Variants in ZNF609 observed in about 807,000 individuals in gnomAD.
ZNF609 encodes the protein zinc finger protein 609.
Under a neutral mutation model 109.5 loss-of-function variants are expected in ZNF609, and 11 were observed. That is an observed-to-expected ratio of 0.10 (90% confidence interval 0.06 to 0.17). The LOEUF (loss-of-function observed/expected upper bound fraction) is 0.17. Ranked by LOEUF, ZNF609 falls within the 10% of genes least tolerant of loss-of-function variation. The pLI is 1.00. For missense variants in ZNF609, 1,559 were observed against 1,772.4 expected, an observed-to-expected ratio of 0.88 and a Z score of 2.16; for synonymous variants, 646 against 662.0, an observed-to-expected ratio of 0.98 and a Z score of 0.37.
At chr15:64,507,096 C>T (rs985311050) in intron 2 of ZNF609, among the ~76,000 whole-genome samples, 19 of 152,254 alleles carry the variant, frequency 1.2e-4, no homozygotes. Flanking sequence ...GAATTTCAGA[C>T]TTCATATGAA....
At chr15:64,593,209 T>G in intron 2 of ZNF609, 1 of 1,521,582 alleles carries the variant, frequency 6.6e-7, no homozygotes, top group Non-Finnish European at 9.0e-7. Flanking sequence ...GTGTGAGTTG[T>G]GCAATTCACA....
At chr15:64,483,823 C>A (rs2140339145) in intron 1 of ZNF609, among the ~76,000 whole-genome samples, 1 of 152,336 alleles carries the variant, frequency 6.6e-6, no homozygotes, top group South Asian at 2.1e-4. Flanking sequence ...AAGCACACAT[C>A]ATCACACCTG....
At chr15:64,486,208 A>C (rs1408690475) in intron 1 of ZNF609, among the ~76,000 whole-genome samples, 1 of 152,142 alleles carries the variant, frequency 6.6e-6, no homozygotes, top group Non-Finnish European at 1.5e-5. Flanking sequence ...TATATCCTTG[A>C]CTTTTCCTAA....
intron 2 of ZNF609, among the ~76,000 whole-genome samples, chr15:64,564,266 C>T (rs1035169386): frequency 1.3e-5 from 2 of 151,938 alleles, no homozygotes; most frequent in Non-Finnish European, 2.9e-5. Context: ...AGGTACCCAC[C>T]GGGGGTCTTG....
chr15:64,530,171 C>T (rs1383185846), intron 2 of ZNF609, among the ~76,000 whole-genome samples: 2 of 152,046 alleles, frequency 1.3e-5, no homozygotes. Context: ...CATGCCACCA[C>T]GCCTGGCTAA....
In ZNF609 at chr15:64,537,052, G is replaced by A. The variant is rs1349993710; in HGVS notation, c.747+36886G>A. Among the ~76,000 whole-genome samples the A allele has an allele frequency of 1.5e-4, 22 of 150,108 alleles. No individual in the cohort carries two copies. In the East Asian group the frequency reaches 1.6e-3, roughly 11 times the overall value. The stretch of plus-strand genomic sequence containing the variant: ...AGCCTGGCCAACATGGCGAAACCCC[G>A]TCTCTACTAAAAATACAAAAATTAG... On this transcript the variant is annotated intron_variant, in intron 2 of 9. Transcript: ENST00000326648.
In ZNF609 at chr15:64,466,567, A is replaced by G. The variant is rs908534126; in HGVS notation, c.-128+5729A>G. Among the ~76,000 whole-genome samples, 42 of 152,334 alleles carry G rather than the reference A, an allele frequency of 2.8e-4. 1 individual carries two copies. Among genetic ancestry groups the G allele is most frequent in the African/African-American group, 1.0e-3 (42 of 41,574 alleles). On this transcript the variant is annotated intron_variant, in intron 1 of 9. Transcript: ENST00000326648. ...CAGACTATGACTCAGGTCAGGGCCT[A>G]TGGAGCACTGCATAGATGGGGACAT...
At chr15:64,561,294 G>C (rs371138000) in intron 2 of ZNF609, among the ~76,000 whole-genome samples, 2 of 152,048 alleles carry the variant, frequency 1.3e-5, no homozygotes, top group Non-Finnish European at 2.9e-5. Flanking sequence ...TTGTTTGTCA[G>C]TTTTTCTCTT....
intron 2 of ZNF609, among the ~76,000 whole-genome samples, chr15:64,606,198 C>T (rs952279347): frequency 2.6e-5 from 4 of 151,650 alleles, no homozygotes; most frequent in African/African-American, 9.7e-5. Flanking sequence ...ACTGCAGCCT[C>T]AACCTCCTGG....
chr15:64,645,880 A>G (rs1896327451), intron 3 of ZNF609, among the ~76,000 whole-genome samples: 1 of 152,214 alleles, frequency 6.6e-6, no homozygotes, highest in Non-Finnish European at 1.5e-5. Context: ...TGTGGAAAAT[A>G]AAAAGTGTTC....
intron 2 of ZNF609, among the ~76,000 whole-genome samples, chr15:64,567,659 TTTTATTTA>T (rs996127479): frequency 1.3e-5 from 2 of 152,022 alleles, no homozygotes; most frequent in African/African-American, 4.8e-5. Context: ...AACATTTATT[TTTTATTTA>T]TTTATTTATT....
At chr15:64,485,268 G>A (rs1458955055) in intron 1 of ZNF609, among the ~76,000 whole-genome samples, 1 of 152,090 alleles carries the variant, frequency 6.6e-6, no homozygotes, top group African/African-American at 2.4e-5. Flanking sequence ...GGAATATAAT[G>A]TCAAGTGATG....
At chr15:64,589,558 C>G (rs1001835796) in intron 2 of ZNF609, among the ~76,000 whole-genome samples, 1 of 152,144 alleles carries the variant, frequency 6.6e-6, no homozygotes, top group Admixed American at 6.5e-5. Context: ...AGTTGCACAG[C>G]CAGTAGTGGA....
At chr15:64,480,916 A>G (rs138737906) in intron 1 of ZNF609, among the ~76,000 whole-genome samples, 11 of 152,318 alleles carry the variant, frequency 7.2e-5, no homozygotes, top group Non-Finnish European at 1.3e-4. Flanking sequence ...TTTGACTAAG[A>G]TAAGCTACTC....
intron 2 of ZNF609, among the ~76,000 whole-genome samples, chr15:64,525,827 A>C (rs141634738): frequency 5.1e-4 from 77 of 150,884 alleles, no homozygotes; most frequent in African/African-American, 1.9e-3. Context: ...TCTGTCCACC[A>C]GGCAGGGGTA....
chr15:64,654,310 T>C (rs1269641575), intron 3 of ZNF609: 2 of 152,200 alleles, frequency 1.3e-5, no homozygotes, highest in African/African-American at 4.8e-5. Context: ...GTGCTGGGAT[T>C]ACAGGCACGA....
At chr15:64,461,476 T>C (rs927240551) in intron 1 of ZNF609, among the ~76,000 whole-genome samples, 3 of 152,158 alleles carry the variant, frequency 2.0e-5, no homozygotes, top group Non-Finnish European at 4.4e-5. Flanking sequence ...AAACCCATGC[T>C]GCCCTCTTTT....
rs138866991 is a variant in ZNF609, at chr15:64,588,769, G to C, written c.748-34058G>C. Among the ~76,000 whole-genome samples, 471 of 151,778 alleles carry C rather than the reference G, an allele frequency of 3.1e-3. 2 individuals carry two copies. Among genetic ancestry groups the C allele is most frequent in the African/African-American group, 0.011 (459 of 41,398 alleles). ...TTCTCCTGCCTCAGCTTCCCAAGTA[G>C]CTGGGATTACAGGCATGTGTCACTA... On this transcript the variant is annotated intron_variant, in intron 2 of 9. Transcript: ENST00000326648.
chr15:64,576,150 A>G (rs1283011120), intron 2 of ZNF609, among the ~76,000 whole-genome samples: 1 of 152,078 alleles, frequency 6.6e-6, no homozygotes, highest in Non-Finnish European at 1.5e-5. Context: ...ATTAATAAAA[A>G]TGGGGGCTAA....
Sources: gnomAD v4.1 joint callset for allele counts (sites outside exome capture counted in the v4.1 genomes callset) on GRCh38, gnomAD v4.1.1 for gene constraint, MANE v1.5 for transcripts, NCBI Gene and HGNC (gene_info 2026-07-23, HGNC 2026-07-21) for gene names.